The following NEMP2 variants were observed in gnomAD, a reference collection of about 807,000 sequenced individuals.
NEMP2 encodes nuclear envelope integral membrane protein 2, also known as UPF0571 transmembrane protein.
In NEMP2, 53 loss-of-function variants were observed where a neutral mutation model predicts 54.2. The ratio of observed to expected loss-of-function variants is 0.98; its 90% confidence interval spans 0.78 to 1.23. The LOEUF (loss-of-function observed/expected upper bound fraction) is 1.23, where lower values mean the gene tolerates loss of function less well. Among genes scored for constraint, NEMP2 ranks in the 50% most tolerant of loss-of-function variants. The pLI is 0.00. For missense variants in NEMP2, 455 were observed against 511.3 expected (o/e 0.89, Z 1.06); for synonymous variants, 197 against 190.3 (o/e 1.04, Z -0.29).
the NEMP2 span, among the ~76,000 whole-genome samples, chr2:190,424,803 CCTT>C: frequency 2.6e-5 from 4 of 152,288 alleles, no homozygotes; most frequent in African/African-American, 7.2e-5. This position sits in a 1 kb window ranked among gnomAD's most constrained non-coding sequence, Gnocchi z 5.9. Flanking sequence ...ATGTGTCTGT[CCTT>C]CTGCTAATAC....
the NEMP2 span, among the ~76,000 whole-genome samples, chr2:190,571,756 T>A: frequency 6.6e-6 from 1 of 151,994 alleles, no homozygotes; most frequent in Non-Finnish European, 1.5e-5. Flanking sequence ...GGGAAAGGAG[T>A]TGGCATTGGC....
At chr2:190,437,323 G>T in the NEMP2 span, 107 of 1,614,246 alleles carry the variant, frequency 6.6e-5, no homozygotes, top group Non-Finnish European at 8.6e-5. This position sits in a 1 kb window ranked among gnomAD's most constrained non-coding sequence, Gnocchi z 5.9. Context: ...CCACTCGCAG[G>T]CCTTCAACTT....
In NEMP2 at chr2:190,525,920, A is replaced by AC. The variant is rs1690916927; in HGVS notation, c.98-543dup. Among the ~76,000 whole-genome samples, 3 of 152,224 alleles carry AC rather than the reference A, an allele frequency of 2.0e-5. No homozygotes were observed. The highest frequency in any genetic ancestry group is 2.0e-4 in the Admixed American group (3 of 15,284). ...AGTGGTAAACCATAGCTACTACTAT[A>AC]CCATGTGGACTCCATCTTGAAAGCA... is the stretch of plus-strand genomic sequence containing the variant. On this transcript the variant is annotated intron_variant, in intron 1 of 8. Transcript: ENST00000409150. The surrounding 1 kb of genome is among the most constrained non-coding windows in gnomAD (Gnocchi z 5.0).
At chr2:190,582,774 TCA>T in the NEMP2 span, among the ~76,000 whole-genome samples, 1 of 152,196 alleles carries the variant, frequency 6.6e-6, no homozygotes, top group Admixed American at 6.5e-5. This position sits in a 1 kb window ranked among gnomAD's most constrained non-coding sequence, Gnocchi z 4.6. Flanking sequence ...TAAACCATGG[TCA>T]CACAGTATGC....
the NEMP2 span, among the ~76,000 whole-genome samples, chr2:190,430,725 C>T: frequency 2.2e-5 from 1 of 46,246 alleles, no homozygotes; most frequent in East Asian, 1.2e-3. Context: ...GTTGGGTACA[C>T]TTCCCAGACG....
At chr2:190,481,244 C>T in the NEMP2 span, among the ~76,000 whole-genome samples, 7 of 152,156 alleles carry the variant, frequency 4.6e-5, no homozygotes, top group East Asian at 3.8e-4. Context: ...TAAAAATTCA[C>T]GAGGGCCCCC....
the NEMP2 span, among the ~76,000 whole-genome samples, chr2:190,593,248 T>C: frequency 6.6e-6 from 1 of 152,182 alleles, no homozygotes; most frequent in Non-Finnish European, 1.5e-5. This position sits in a 1 kb window ranked among gnomAD's most constrained non-coding sequence, Gnocchi z 4.5. Flanking sequence ...CCATATTACT[T>C]AGTGTACATA....
chr2:190,497,693 C>T, the NEMP2 span: 15 of 1,613,968 alleles, frequency 9.3e-6, no homozygotes, highest in East Asian at 2.2e-5. This position sits in a 1 kb window ranked among gnomAD's most constrained non-coding sequence, Gnocchi z 5.2. Context: ...AAGAGACAAC[C>T]GTGCTTCTGA....
the NEMP2 span, among the ~76,000 whole-genome samples, chr2:190,631,702 C>A: frequency 2.6e-5 from 4 of 152,142 alleles, no homozygotes; most frequent in Admixed American, 2.6e-4. Flanking sequence ...TAATTAATTT[C>A]TCAAATCCTC....
the NEMP2 span, chr2:190,463,974 A>G: frequency 1.2e-6 from 1 of 815,814 alleles, no homozygotes. This position sits in a 1 kb window ranked among gnomAD's most constrained non-coding sequence, Gnocchi z 4.4. Context: ...GGTGTCAACA[A>G]CCAGCTCTTT....
chr2:190,497,747 A>G, the NEMP2 span: 1 of 1,591,684 alleles, frequency 6.3e-7, no homozygotes, highest in African/African-American at 1.3e-5. This position sits in a 1 kb window ranked among gnomAD's most constrained non-coding sequence, Gnocchi z 5.2. Flanking sequence ...GGCTAGCAAT[A>G]TTACCTGTCA....
Position 190,504,510 on chromosome 2 carries a change from C to T in NEMP2, c.*4679G>A, listed in dbSNP as rs536802029. 3 of 151,890 alleles carry T rather than the reference C, an allele frequency of 2.0e-5. No individual in the cohort carries two copies. Among genetic ancestry groups the T allele is most frequent in the South Asian group, 2.1e-4 (1 of 4,790 alleles). The allele number at this position is 151,890 out of a possible 1,614,324, so 9.4% of individuals were successfully genotyped here. A position where few individuals can be genotyped will look rare whatever the true frequency, so the allele number is the denominator to read the frequency against. ...TTGGGGATATGAGTTAGTTAAGAGACAAAATTAAGCAAAACTTAAGTTGAA... is the reference window on the plus strand; with the variant it reads ...TTGGGGATATGAGTTAGTTAAGAGATAAAATTAAGCAAAACTTAAGTTGAA... On this transcript the variant is annotated 3_prime_UTR_variant, in exon 9 of 9. Transcript: ENST00000409150. This position sits in a 1 kb window ranked among gnomAD's most constrained non-coding sequence, Gnocchi z 5.6.
the NEMP2 span, among the ~76,000 whole-genome samples, chr2:190,446,636 G>A: frequency 6.6e-6 from 1 of 152,170 alleles, no homozygotes; most frequent in Non-Finnish European, 1.5e-5. Flanking sequence ...TTATAAAGAA[G>A]CTAATGAAAC....
At chr2:190,422,412 TG>T in the NEMP2 span, among the ~76,000 whole-genome samples, 1 of 152,322 alleles carries the variant, frequency 6.6e-6, no homozygotes, top group East Asian at 1.9e-4. Flanking sequence ...GTCTTTCGCT[TG>T]ATTTATCCTT....
the NEMP2 span, among the ~76,000 whole-genome samples, chr2:190,601,842 A>T: frequency 6.6e-6 from 1 of 152,226 alleles, no homozygotes; most frequent in Admixed American, 6.5e-5. The surrounding 1 kb of genome is among the most constrained non-coding windows in gnomAD (Gnocchi z 5.8). Context: ...GAAATAAAAA[A>T]AATCAGACAC....
chr2:190,475,251 A>G, the NEMP2 span, among the ~76,000 whole-genome samples: 1 of 152,200 alleles, frequency 6.6e-6, no homozygotes, highest in Non-Finnish European at 1.5e-5. Context: ...AGGGTATTCA[A>G]TTAGGAAAAG....
chr2:190,591,307 CAG>C, the NEMP2 span, among the ~76,000 whole-genome samples: 2 of 152,146 alleles, frequency 1.3e-5, no homozygotes, highest in Non-Finnish European at 1.5e-5. This position sits in a 1 kb window ranked among gnomAD's most constrained non-coding sequence, Gnocchi z 5.4. Context: ...CAGCTCAAAT[CAG>C]AGTTGCCTAA....
At chr2:190,572,008 G>C in the NEMP2 span, among the ~76,000 whole-genome samples, 3 of 152,054 alleles carry the variant, frequency 2.0e-5, no homozygotes, top group Non-Finnish European at 4.4e-5. Flanking sequence ...ATCATTTCTA[G>C]CTGTTCAAAA....
chr2:190,436,584 T>C, the NEMP2 span: 6 of 1,614,214 alleles, frequency 3.7e-6, no homozygotes. The surrounding 1 kb of genome is among the most constrained non-coding windows in gnomAD (Gnocchi z 5.3). Flanking sequence ...ATTCTTCCTT[T>C]ACCTCTTTCC....
Sources: allele counts gnomAD v4.1 joint callset (sites outside exome capture counted in the v4.1 genomes callset), GRCh38; gene constraint gnomAD v4.1.1; non-coding constraint Gnocchi (gnomAD v3.1); transcripts MANE v1.5; gene names NCBI Gene and HGNC (gene_info 2026-07-23, HGNC 2026-07-21).